Variants in MAOB observed in about 807,000 individuals in gnomAD.
MAOB encodes the protein monoamine oxidase B.
A neutral mutation model predicts 41.9 loss-of-function variants in MAOB; 15 were observed. The ratio of observed to expected loss-of-function variants is 0.36; its 90% CI spans 0.24 to 0.55. MAOB has a LOEUF of 0.55. Among genes scored for constraint, MAOB ranks in the 20% least tolerant of loss-of-function variants. The probability of loss-of-function intolerance (pLI) is 0.86; values close to 1 mark genes in which losing one functional copy is unlikely to be tolerated. For synonymous variants in MAOB, 167 were observed against 144.2 expected (o/e 1.16, Z -1.13); for missense variants, 345 against 398.7 (o/e 0.87, Z 1.15).
chrX:43,840,053 C>T (rs373756116), intron 2 of MAOB, among the ~76,000 whole-genome samples: 9 of 111,714 alleles, frequency 8.1e-5, no homozygotes, highest in African/African-American at 2.3e-4. Flanking sequence ...TTTTGCCATA[C>T]GACAAAGGTA....
chrX:43,784,770 C>T (rs1230651612), intron 8 of MAOB, among the ~76,000 whole-genome samples: 6 of 112,180 alleles, frequency 5.3e-5, no homozygotes, highest in Non-Finnish European at 1.1e-4. Flanking sequence ...GCTTTGAAGC[C>T]AGGTGCTGAC....
chrX:43,823,802 T>C (rs1169162386), intron 3 of MAOB, among the ~76,000 whole-genome samples: 1 of 112,239 alleles, frequency 8.9e-6, no homozygotes, highest in Non-Finnish European at 1.9e-5. Context: ...ACTGTGCTAG[T>C]ATTTTCTCTT....
chrX:43,840,189 A>G (rs2035117582), intron 2 of MAOB, among the ~76,000 whole-genome samples: 1 of 112,213 alleles, frequency 8.9e-6, no homozygotes, highest in Non-Finnish European at 1.9e-5. Context: ...GTCACAGTCA[A>G]TAACAGATAA....
intron 1 of MAOB, among the ~76,000 whole-genome samples, chrX:43,863,739 T>C (rs1413878600): frequency 2.7e-5 from 3 of 111,772 alleles, no homozygotes; most frequent in African/African-American, 9.7e-5. Flanking sequence ...AATTGCAAAC[T>C]TCTCTATAAA....
chrX:43,804,392 T>G (rs2034635924), intron 3 of MAOB, among the ~76,000 whole-genome samples: 1 of 110,815 alleles, frequency 9.0e-6, no homozygotes, highest in African/African-American at 3.3e-5. Context: ...AGGGAAGGGT[T>G]GAGATACAGC....
intron 10 of MAOB, among the ~76,000 whole-genome samples, chrX:43,779,991 T>C (rs961673656): frequency 9.0e-6 from 1 of 111,638 alleles, no homozygotes; most frequent in Non-Finnish European, 1.9e-5. Context: ...CCCTGGTTTA[T>C]CTCCTTCACA....
At chrX:43,848,308 T>C (rs757068129) in intron 1 of MAOB, among the ~76,000 whole-genome samples, 1 of 112,003 alleles carries the variant, frequency 8.9e-6, no homozygotes, top group South Asian at 3.7e-4. Context: ...CAAAATTTGA[T>C]ATTTAACAAA....
chrX:43,787,577 C>T (rs746488457), intron 8 of MAOB, among the ~76,000 whole-genome samples: 1 of 112,091 alleles, frequency 8.9e-6, no homozygotes, highest in South Asian at 3.7e-4. Flanking sequence ...AAAAAGTCTA[C>T]TTTTCAAATG....
intron 9 of MAOB, 64 bp from the exon 10 acceptor site, chrX:43,780,459 C>T (rs1019545378): frequency 4.8e-6 from 4 of 833,630 alleles, no homozygotes; most frequent in Non-Finnish European, 7.1e-6. Context: ...GCCTCATTTT[C>T]GTAGCTACAC....
At chrX:43,869,568 G>A (rs375351894) in intron 1 of MAOB, among the ~76,000 whole-genome samples, 49 of 111,431 alleles carry the variant, frequency 4.4e-4, no homozygotes, top group African/African-American at 1.6e-3. Flanking sequence ...TAAAACAGAG[G>A]GACTTTTCTG....
chrX:43,807,738 T>C (rs760398033), intron 3 of MAOB, among the ~76,000 whole-genome samples: 8 of 112,282 alleles, frequency 7.1e-5, no homozygotes, highest in Non-Finnish European at 1.3e-4. Context: ...TCTCAATCAA[T>C]ATTATTACCG....
intron 1 of MAOB, chrX:43,844,461 G>A (rs1454416741): frequency 3.6e-5 from 4 of 112,059 alleles, no homozygotes; most frequent in African/African-American, 1.3e-4. Context: ...TTTACCCATT[G>A]TGATGGTTAA....
chrX:43,781,571 A>T, intron 8 of MAOB, 27 bp from the exon 9 acceptor site: 1 of 841,852 alleles, frequency 1.2e-6, no homozygotes, highest in East Asian at 3.2e-5. Context: ...ATGGAAGAGC[A>T]TATTCATCAC....
intron 8 of MAOB, among the ~76,000 whole-genome samples, chrX:43,792,026 C>G (rs905629618): frequency 3.6e-5 from 4 of 112,319 alleles, no homozygotes; most frequent in Non-Finnish European, 7.5e-5. Flanking sequence ...AGAGCCAAGA[C>G]ATTTTCAGAA....
chrX:43,833,418 T>A (rs2035039699), intron 3 of MAOB, among the ~76,000 whole-genome samples: 1 of 110,875 alleles, frequency 9.0e-6, no homozygotes. Context: ...GCTAACACAT[T>A]TCAGGCCATC....
chrX:43,796,112 T>C (rs927617809), intron 6 of MAOB, among the ~76,000 whole-genome samples: 1 of 111,836 alleles, frequency 8.9e-6, no homozygotes, highest in Non-Finnish European at 1.9e-5. Context: ...ATTCCCAGAC[T>C]CCAACCTTAG....
At chrX:43,800,386 T>C (rs1386391781) in intron 5 of MAOB, among the ~76,000 whole-genome samples, 4 of 111,796 alleles carry the variant, frequency 3.6e-5, no homozygotes, top group Middle Eastern at 4.7e-3. Context: ...CTAAAGTATA[T>C]AATTTAAAAC....
intron 1 of MAOB, among the ~76,000 whole-genome samples, chrX:43,845,227 G>A (rs1320869573): frequency 1.8e-5 from 2 of 111,384 alleles, no homozygotes; most frequent in African/African-American, 3.3e-5. Flanking sequence ...TGGGCTGAAT[G>A]TGCTCAGTTC....
At chrX:43,806,499 C>T (rs1407002637) in intron 3 of MAOB, among the ~76,000 whole-genome samples, 1 of 111,422 alleles carries the variant, frequency 9.0e-6, no homozygotes, top group Non-Finnish European at 1.9e-5. Flanking sequence ...CCTCAGAGGG[C>T]ACTTGATATC....
Sources: allele counts gnomAD v4.1 joint callset (sites outside exome capture counted in the v4.1 genomes callset), GRCh38; gene constraint gnomAD v4.1.1; transcripts MANE v1.5; gene names NCBI Gene and HGNC (gene_info 2026-07-23, HGNC 2026-07-21).